The following DEFA6 variants were observed in gnomAD, a reference collection of about 807,000 sequenced individuals.
DEFA6 encodes defensin-6.
In DEFA6, 8 loss-of-function variants were observed where a neutral mutation model predicts 5.1. The observed-to-expected ratio is 1.57, with a 90% confidence interval of 0.92 to 2.83. The LOEUF (loss-of-function observed/expected upper bound fraction) is 2.83. DEFA6 is among the 30% of genes most tolerant of loss of function. The probability of loss-of-function intolerance (pLI) is 0.00; values close to 1 mark genes in which losing one functional copy is unlikely to be tolerated. For missense variants in DEFA6, 191 were observed against 119.1 expected (o/e 1.60, Z -2.81); for synonymous variants, 74 against 45.3 (o/e 1.63, Z -2.54).
intron 1 of DEFA6, among the ~76,000 whole-genome samples, chr8:6,925,547 G>A (rs1310825047): frequency 2.0e-5 from 3 of 151,850 alleles, no homozygotes; most frequent in African/African-American, 4.8e-5. Context: ...ACAAAACAAA[G>A]CAAAACAAAA....
chr8:6,925,458 C>T (rs963179894), intron 1 of DEFA6, among the ~76,000 whole-genome samples: 14 of 152,096 alleles, frequency 9.2e-5, no homozygotes, highest in South Asian at 8.3e-4. Flanking sequence ...ACCCAGGAGG[C>T]AGAGGTTGCA....
At chr8:6,925,075 A>AAT in intron 1 of DEFA6, 148 bp from the exon 2 acceptor site, 2 of 596,080 alleles carry the variant, frequency 3.4e-6, no homozygotes, top group Middle Eastern at 8.8e-4. Flanking sequence ...AATAGGAATA[A>AAT]ATACGCAGAG....
At position 6,924,888 on chromosome 8, in the gene DEFA6, C is replaced by G. The variant is rs760986660; in HGVS notation, c.233G>C (p.Cys78Ser). The change falls in exon 2 of 2, where the codon TGT (cysteine) becomes TCT (serine). Residue 78 changes from cysteine (C) to serine (S), a missense_variant. Physicochemically the swap from Cys to Ser is moderately radical, Grantham distance 112 (BLOSUM62 -1). Transcript: ENST00000297436. ...RAFTCHCRRS[C>S]YSTEYSYGTC... ...CCCATAGGAATATTCTGTTGAATAA[C>G]AGGACCTTCTGCAATGGCAAGTGAA... 1.2e-6 allele frequency: 2 copies of G among 1,611,280 alleles called. No homozygotes were observed. The highest frequency in any genetic ancestry group is 2.2e-5 in the East Asian group (1 of 44,780).
At chr8:6,925,485 C>T (rs909192010) in intron 1 of DEFA6, among the ~76,000 whole-genome samples, 1 of 152,192 alleles carries the variant, frequency 6.6e-6, no homozygotes, top group Non-Finnish European at 1.5e-5. Flanking sequence ...TGAGATAGTG[C>T]CACTGCACTC....
At position 6,924,812 on chromosome 8, in the gene DEFA6, C is replaced by T; in HGVS notation, c.*6G>A. 1 of 1,577,092 alleles carries T rather than the reference C, an allele frequency of 6.3e-7. No homozygotes were observed. Among genetic ancestry groups the T allele is most frequent in the East Asian group, 2.3e-5 (1 of 44,296 alleles). On this transcript the variant is annotated 3_prime_UTR_variant, in exon 2 of 2. Coordinates refer to ENST00000297436, the MANE Select transcript of DEFA6 (RefSeq NM_001926.4). ...TTATGAATATATTTCTCTCTGTTCT[C>T]ATCCCTCAGAGGCAGCAGAATCTGT... is the stretch of plus-strand genomic sequence containing the variant.
rs148947924 is a variant in DEFA6 at position 6,925,949 on chromosome 8, C to T, written c.87G>A (p.Leu29=). ...CATCAGCCTCATAAGCTTTTGCCTG[C>T]AGTGGATCATCCTCAGCTTGGAGTG... ...AEPLQAEDDP[L]QAKAYEADAQ... Residue 29 remains leucine (L), a synonymous_variant, in exon 1 of 2, where the codon CTG becomes CTA. Coordinates refer to ENST00000297436, the MANE Select transcript of DEFA6 (RefSeq NM_001926.4). 3.1e-6 allele frequency: 5 copies of T among 1,614,020 alleles called. No individual in the cohort carries two copies. The highest frequency in any genetic ancestry group is 1.3e-5 in the African/African-American group (1 of 75,062).
chr8:6,924,846 C>G lies in DEFA6; in HGVS notation c.275G>C (p.Gly92Ala), dbSNP rs1808369494. The G allele has an allele frequency of 1.9e-6, 3 of 1,610,618 alleles. No homozygotes were observed. The East Asian group carries it at 6.7e-5, about 36-fold the overall frequency. ...GAGGCAGCAGAATCTGTGGTTAATA[C>G]CCATGACAGTGCAGGTCCCATAGGA... Reference protein sequence around the residue: ...EYSYGTCTVMGINHRFCCL With the variant: ...EYSYGTCTVMAINHRFCCL Residue 92 changes from glycine (G) to alanine (A), a missense_variant, in exon 2 of 2, where the codon GGT becomes GCT. Transcript: ENST00000297436.
chr8:6,925,290 G>A (rs761683519), intron 1 of DEFA6, among the ~76,000 whole-genome samples: 12 of 152,156 alleles, frequency 7.9e-5, no homozygotes, highest in Non-Finnish European at 1.3e-4. Flanking sequence ...GGAGGCCAAG[G>A]TGGGTTTATC....
Position 6,926,060 on chromosome 8 carries a change from A to G in DEFA6, c.-25T>C, listed in dbSNP as rs1260953409. 1 of 1,583,998 alleles carries G rather than the reference A, an allele frequency of 6.3e-7. No individual in the cohort carries two copies. Among genetic ancestry groups the G allele is most frequent in the African/African-American group, 1.4e-5 (1 of 73,946 alleles). ...TGGCTAGGGTCGCTGGAGGAGAGAG[A>G]GCAGGAGCAGATGTGTGGGGAGTGA... On this transcript the variant is annotated 5_prime_UTR_variant, in exon 1 of 2. Transcript: ENST00000297436.
Position 6,924,714 on chromosome 8 carries a change from T to C in DEFA6, c.*104A>G. On this transcript the variant is annotated 3_prime_UTR_variant, in exon 2 of 2. Transcript: ENST00000297436. ...AAAAGAACTTGCTGAAAGGACTTTA[T>C]TTGAGATGAGGAAACAAAGTTGATG... 3 of 654,322 alleles carry C rather than the reference T, an allele frequency of 4.6e-6. No individual in the cohort carries two copies. Among genetic ancestry groups the C allele is most frequent in the Non-Finnish European group, 7.4e-6 (3 of 407,138 alleles). The allele number at this position is 654,322 out of a possible 1,614,324, so 40.5% of individuals were successfully genotyped here.
chr8:6,925,752 C>G, intron 1 of DEFA6, 91 bp downstream of exon 1: 4 of 1,181,746 alleles, frequency 3.4e-6, no homozygotes, highest in Non-Finnish European at 4.6e-6. Flanking sequence ...AGGTGATCAC[C>G]TAAGAGAAAG....
chr8:6,925,584 C>A (rs771291461), intron 1 of DEFA6, among the ~76,000 whole-genome samples: 1 of 152,154 alleles, frequency 6.6e-6, no homozygotes, highest in African/African-American at 2.4e-5. Flanking sequence ...GGCTCTCTTC[C>A]TTGAAGTAGA....
chr8:6,925,896 T>C lies in DEFA6; in HGVS notation c.140A>G (p.Gln47Arg). The C allele has an allele frequency of 6.2e-7, 1 of 1,614,160 alleles. No homozygotes were observed. Residue 47 changes from glutamine (Q) to arginine (R), a missense_variant, in exon 1 of 2, where the codon CAG (glutamine) becomes CGG (arginine). Physicochemically the swap from Gln to Arg is conservative, Grantham distance 43. Coordinates refer to ENST00000297436, the MANE Select transcript of DEFA6 (RefSeq NM_001926.4). ...DAQEQRGANDQDFAVSFAEDA... is the reference protein window; with the variant it reads ...DAQEQRGANDRDFAVSFAEDA... ...CTCTGCAAAGGAGACGGCAAAGTCC[T>C]GGTCATTTGCCCCACGCTGCTCCTG...
chr8:6,924,930 G>C lies in DEFA6; in HGVS notation c.194-3C>G. 1 of 1,598,196 alleles carries C rather than the reference G, an allele frequency of 6.3e-7. No individual in the cohort carries two copies. The highest frequency in any genetic ancestry group is 1.1e-5 in the South Asian group (1 of 90,134). ...GCAAGTGAAAGCCCTTGTTGAGCCTGGGGACAGAGAGAGAGAGCATCAGAA... is the reference window on the plus strand; with the variant it reads ...GCAAGTGAAAGCCCTTGTTGAGCCTCGGGACAGAGAGAGAGAGCATCAGAA... On this transcript the variant is annotated splice_region_variant and splice_polypyrimidine_tract_variant and intron_variant, in intron 1 of 1. Transcript: ENST00000297436.
At chr8:6,925,820 T>C in intron 1 of DEFA6, 23 bp downstream of exon 1, 3 of 1,590,418 alleles carry the variant, frequency 1.9e-6, no homozygotes, top group Non-Finnish European at 2.6e-6. Flanking sequence ...CACTCCTAGC[T>C]CTGCAATGCT....
rs771978737 is a variant in DEFA6, at chr8:6,925,929, G to A, written c.107C>T (p.Ala36Val). 6 of 1,614,102 alleles carry A rather than the reference G, an allele frequency of 3.7e-6. No homozygotes were observed. In the South Asian group the frequency reaches 6.6e-5, roughly 18 times the overall value. ...DDPLQAKAYE[A>V]DAQEQRGAND... ...TGCCCCACGCTGCTCCTGGGCATCA[G>A]CCTCATAAGCTTTTGCCTGCAGTGG... The change falls in exon 1 of 2, where the codon GCT (alanine) becomes GTT (valine). Residue 36 changes from alanine (A) to valine (V), a missense_variant. Ala to Val is a moderately conservative substitution (Grantham distance 64, BLOSUM62 0). Coordinates refer to ENST00000297436, the MANE Select transcript of DEFA6 (RefSeq NM_001926.4).
rs111991300 is a variant in DEFA6, at chr8:6,925,138, C to G, written c.194-211G>C. Among the ~76,000 whole-genome samples the G allele has an allele frequency of 4.1e-3, 621 of 152,294 alleles. 1 individual carries two copies. Among genetic ancestry groups the G allele is most frequent in the African/African-American group, 0.014 (570 of 41,506 alleles). The stretch of plus-strand genomic sequence containing the variant: ...AGCCATTCTGATATGCTGTACTTAT[C>G]TGCTCCTTCCCTGTCACACACACAT... On this transcript the variant is annotated intron_variant, in intron 1 of 1. Coordinates refer to ENST00000297436, the MANE Select transcript of DEFA6 (RefSeq NM_001926.4).
chr8:6,925,006 G>A (rs1049634199), intron 1 of DEFA6, 79 bp from the exon 2 acceptor site: 5 of 886,362 alleles, frequency 5.6e-6, no homozygotes, highest in African/African-American at 1.6e-5. Context: ...TCAGGAAGTT[G>A]CATGCTTGCT....
At chr8:6,925,490 G>A (rs1379327292) in intron 1 of DEFA6, among the ~76,000 whole-genome samples, 2 of 152,198 alleles carry the variant, frequency 1.3e-5, no homozygotes, top group South Asian at 2.1e-4. Context: ...TAGTGCCACT[G>A]CACTCCAGCC....
Sources: allele counts gnomAD v4.1 joint callset (sites outside exome capture counted in the v4.1 genomes callset), GRCh38; gene constraint gnomAD v4.1.1; transcripts MANE v1.5; gene names NCBI Gene and HGNC (gene_info 2026-07-23, HGNC 2026-07-21).